The following MMP2 variants were observed in gnomAD, a reference collection of about 807,000 sequenced individuals.
MMP2 encodes 72 kDa type IV collagenase.
A neutral mutation model predicts 74.8 loss-of-function variants in MMP2; 39 were observed. The observed-to-expected ratio is 0.52, with a 90% CI of 0.40 to 0.68. The LOEUF is 0.68. MMP2 is among the 30% of genes least tolerant of loss of function. The probability of loss-of-function intolerance (pLI) is 0.00; values close to 1 mark genes in which losing one functional copy is unlikely to be tolerated. For synonymous variants in MMP2, 367 were observed against 339.8 expected, an observed-to-expected ratio of 1.08 and a Z score of -0.88; for missense variants, 803 against 878.3, an observed-to-expected ratio of 0.91 and a Z score of 1.08.
chr16:55,497,454 A>G (rs1962558382), intron 10 of MMP2, among the ~76,000 whole-genome samples: 1 of 152,184 alleles, frequency 6.6e-6, no homozygotes, highest in Non-Finnish European at 1.5e-5. Context: ...TTTCATTTTT[A>G]CTTTTAGACA....
intron 5 of MMP2, among the ~76,000 whole-genome samples, chr16:55,486,347 C>CTGTGCG (rs1491435196): frequency 7.3e-6 from 1 of 137,728 alleles, no homozygotes; most frequent in Non-Finnish European, 1.5e-5. Context: ...GTGTGTGTGC[C>CTGTGCG]TGTGTGTGTG....
Position 55,488,618 on chromosome 16 carries a change from A to T in MMP2, c.908A>T (p.Asp303Val), listed in dbSNP as rs1567376093. Reference sequence around the variant, plus strand: ...TTCCGCTTCCAGGGCACATCCTATGACAGCTGCACCACTGAGGGCCGCACG... The same window carrying T: ...TTCCGCTTCCAGGGCACATCCTATGTCAGCTGCACCACTGAGGGCCGCACG... The part of the protein sequence containing the change: ...FPFRFQGTSY[D>V]SCTTEGRTDG... The change falls in exon 6 of 13, where the codon GAC (aspartate) becomes GTC (valine). Residue 303 changes from aspartate (D) to valine (V), a missense_variant. Around this residue, in one of 3 missense-constraint regions of MMP2, gnomAD observed 555 missense variants for 592.0 expected, o/e 0.94. Coordinates refer to ENST00000219070, the MANE Select transcript of MMP2 (RefSeq NM_004530.6). The T allele has an allele frequency of 1.2e-5, 20 of 1,613,890 alleles. No homozygotes were observed. Among genetic ancestry groups the T allele is most frequent in the Non-Finnish European group, 1.7e-5 (20 of 1,179,946 alleles).
intron 5 of MMP2, chr16:55,488,268 G>T (rs527846505): frequency 8.0e-6 from 4 of 497,764 alleles, no homozygotes; most frequent in South Asian, 4.1e-5. Context: ...GGCTGAGGCA[G>T]GGTTCTAGAA....
intron 1 of MMP2, among the ~76,000 whole-genome samples, 177 bp downstream of exon 1, chr16:55,479,809 G>T (rs746679054): frequency 1.3e-5 from 2 of 152,218 alleles, no homozygotes; most frequent in East Asian, 3.9e-4. Context: ...AACGGTGGGG[G>T]ATCTTTTGTA....
intron 3 of MMP2, among the ~76,000 whole-genome samples, chr16:55,484,865 G>A (rs1962201884): frequency 6.6e-6 from 1 of 152,212 alleles, no homozygotes; most frequent in Non-Finnish European, 1.5e-5. Flanking sequence ...GTGACAAGGT[G>A]GGCATGAGGA....
At position 55,484,138 on chromosome 16, in the gene MMP2, ACAT is replaced by A. The variant is rs748177298; in HGVS notation, c.507_509del (p.Ile169del). ...TCTCGAATCCATGATGGAGAGGCAG[ACAT>A]CATGATCAACTTTGGCCGCTGGGGT... On this transcript the variant is annotated inframe_deletion, in exon 3 of 13. Transcript: ENST00000219070. 2 of 1,614,202 alleles carry A rather than the reference ACAT, an allele frequency of 1.2e-6. No homozygotes were observed. The highest frequency in any genetic ancestry group is 1.7e-5 in the Admixed American group (1 of 60,028).
At chr16:55,498,761 G>T (rs908544212) in intron 11 of MMP2, among the ~76,000 whole-genome samples, 8 of 152,208 alleles carry the variant, frequency 5.3e-5, no homozygotes, top group African/African-American at 1.9e-4. Flanking sequence ...TAAAAATAAA[G>T]ATAATAACTG....
chr16:55,496,920 T>C lies in MMP2; in HGVS notation c.1473-6T>C. 1 of 1,613,914 alleles carries C rather than the reference T, an allele frequency of 6.2e-7. No homozygotes were observed. On this transcript the variant is annotated splice_region_variant and splice_polypyrimidine_tract_variant and intron_variant, in intron 9 of 12. Transcript: ENST00000219070. ...TGGTTTCCTGTGCCCCCTTGCCTCC[T>C]GCCAGGTTCATTTGGCGGACTGTGA...
intron 4 of MMP2, 45 bp downstream of exon 4, chr16:55,485,472 C>T (rs374808620): frequency 1.9e-6 from 3 of 1,613,882 alleles, no homozygotes; most frequent in Non-Finnish European, 1.7e-6. Context: ...CTCTCCTGTC[C>T]TCTCTCCACT....
At position 55,483,135 on chromosome 16, in the gene MMP2, G is replaced by A. The variant is rs1392832156; in HGVS notation, c.380G>A (p.Arg127Lys). The change falls in exon 2 of 13, where the codon AGG (arginine) becomes AAG (lysine). Residue 127 changes from arginine to lysine, a missense_variant and splice_region_variant. This residue lies in a region of MMP2 where 223 missense variants were observed against 232.8 expected (regional missense o/e 0.96). Transcript: ENST00000219070. Reference protein sequence around the residue: ...PKWDKNQITYRIIGYTPDLDP... With the variant: ...PKWDKNQITYKIIGYTPDLDP... ...TGGGACAAGAACCAGATCACATACA[G>A]GTGCCGGGGCAGGGCTTGGGGAGGC... The A allele has an allele frequency of 6.2e-7, 1 of 1,612,434 alleles. No individual in the cohort carries two copies. Among genetic ancestry groups the A allele is most frequent in the South Asian group, 1.1e-5 (1 of 91,034 alleles).
chr16:55,485,313 T>C lies in MMP2; in HGVS notation c.544T>C (p.Tyr182His). Residue 182 changes from tyrosine to histidine, a missense_variant, in exon 4 of 13, where the codon TAC becomes CAC. This residue lies in a region of MMP2 where 25 missense variants were observed against 53.5 expected (regional missense o/e 0.47). Coordinates refer to ENST00000219070, the MANE Select transcript of MMP2 (RefSeq NM_004530.6). ...GTGTGTTTCAGAGCATGGCGATGGA[T>C]ACCCCTTTGACGGTAAGGACGGACT... ...NFGRWEHGDG[Y>H]PFDGKDGLLA... 1 of 1,614,116 alleles carries C rather than the reference T, an allele frequency of 6.2e-7. No individual in the cohort carries two copies. The highest frequency in any genetic ancestry group is 8.5e-7 in the Non-Finnish European group (1 of 1,180,012).
Position 55,479,306 on chromosome 16 carries a change from G to A in MMP2, c.-174G>A. 4.5e-6 allele frequency: 3 copies of A among 666,496 alleles called. No individual in the cohort carries two copies. The highest frequency in any genetic ancestry group is 4.2e-6 in the Non-Finnish European group (2 of 481,320). 41.3% of individuals were successfully genotyped at this position (666,496 alleles called of 1,614,324 possible). A position where few individuals can be genotyped will look rare whatever the true frequency, so the allele number is the denominator to read the frequency against. Reference sequence around the variant, plus strand: ...GCGGCGGCGGCGGCGGCGGGGGCTGGGGCGCGGGGGCCGGACCATGAGCCG... The same window carrying A: ...GCGGCGGCGGCGGCGGCGGGGGCTGAGGCGCGGGGGCCGGACCATGAGCCG... On this transcript the variant is annotated 5_prime_UTR_variant, in exon 1 of 13. Coordinates refer to ENST00000219070, the MANE Select transcript of MMP2 (RefSeq NM_004530.6).
chr16:55,502,173 A>G (rs1404906875), intron 11 of MMP2, among the ~76,000 whole-genome samples: 1 of 152,130 alleles, frequency 6.6e-6, no homozygotes, highest in East Asian at 1.9e-4. Flanking sequence ...TGCCCCAGCC[A>G]TGGTCATCTC....
chr16:55,505,302 G>A, intron 12 of MMP2, 37 bp from the exon 13 acceptor site: 1 of 1,549,228 alleles, frequency 6.5e-7, no homozygotes, highest in Non-Finnish European at 8.9e-7. Context: ...AGAATGTCAG[G>A]ATAAGGGGGT....
At chr16:55,480,312 C>T (rs574320699) in intron 1 of MMP2, among the ~76,000 whole-genome samples, 7 of 152,268 alleles carry the variant, frequency 4.6e-5, no homozygotes, top group Admixed American at 6.5e-5. Flanking sequence ...TTTCTCCTGG[C>T]TTAATGGACA....
rs144493289 is a variant in MMP2 at position 55,481,633 on chromosome 16, A to T, written c.154-1276A>T. 9.3e-5 allele frequency: 46 copies of T among 493,376 alleles called. No homozygotes were observed. The East Asian group carries it at 1.4e-3, about 15-fold the overall frequency. 30.6% of individuals were successfully genotyped at this position (493,376 alleles called of 1,614,324 possible). On this transcript the variant is annotated intron_variant, in intron 1 of 12. Transcript: ENST00000219070. ...TTACCCAGCCCCCCACTCAAGATGG[A>T]GGTGCCTGGTTTGAACACCTCTGAC...
chr16:55,499,490 A>G (rs1352627176), intron 11 of MMP2, among the ~76,000 whole-genome samples: 3 of 152,264 alleles, frequency 2.0e-5, no homozygotes, highest in East Asian at 1.9e-4. Flanking sequence ...CTGTGGGTGC[A>G]GGTTGGCAGG....
chr16:55,497,377 C>T (rs138807881), intron 10 of MMP2, among the ~76,000 whole-genome samples: 17 of 152,256 alleles, frequency 1.1e-4, no homozygotes, highest in Non-Finnish European at 1.9e-4. Flanking sequence ...GTGTCCCTAA[C>T]GCCTTTGTAG....
intron 9 of MMP2, among the ~76,000 whole-genome samples, chr16:55,494,167 T>G (rs1474253579): frequency 6.6e-6 from 1 of 152,246 alleles, no homozygotes; most frequent in African/African-American, 2.4e-5. Flanking sequence ...TATTCATTCA[T>G]AGAGTATAGT....
Sources: gnomAD v4.1 joint callset for allele counts (sites outside exome capture counted in the v4.1 genomes callset) on GRCh38, gnomAD v4.1.1 for gene constraint, gnomAD v4.1.1 regional missense constraint, MANE v1.5 for transcripts, NCBI Gene and HGNC (gene_info 2026-07-23, HGNC 2026-07-21) for gene names.